ZC3H12B: variants seen among roughly 807,000 people sequenced by gnomAD.
ZC3H12B encodes the protein probable ribonuclease ZC3H12B.
ZC3H12B carries 7 observed loss-of-function variants against 43.9 expected under a neutral mutation model. The ratio of observed to expected loss-of-function variants is 0.16; its 90% CI spans 0.09 to 0.30. The LOEUF is 0.30. ZC3H12B is among the 10% of genes least tolerant of loss of function. The probability of loss-of-function intolerance (pLI) is 1.00; values close to 1 mark genes in which losing one functional copy is unlikely to be tolerated. For synonymous variants in ZC3H12B, 222 were observed against 241.7 expected (o/e 0.92, Z 0.76); for missense variants, 475 against 670.2 (o/e 0.71, Z 3.22).
At chrX:65,183,242 G>T in the ZC3H12B span, among the ~76,000 whole-genome samples, 1 of 111,837 alleles carries the variant, frequency 8.9e-6, no homozygotes, top group Non-Finnish European at 1.9e-5. Flanking sequence ...CATAAAAAAA[G>T]AATGAGATCA....
the ZC3H12B span, among the ~76,000 whole-genome samples, chrX:65,226,977 A>G: frequency 1.8e-5 from 2 of 111,191 alleles, no homozygotes; most frequent in Middle Eastern, 4.6e-3. Flanking sequence ...GATCAACGAG[A>G]CAGAAAGTTA....
At chrX:65,377,817 A>T (rs2066367868) in intron 2 of ZC3H12B, among the ~76,000 whole-genome samples, 1 of 111,643 alleles carries the variant, frequency 9.0e-6, no homozygotes, top group East Asian at 2.8e-4. Context: ...AATCATCTGG[A>T]GGTCAGTCAC....
At chrX:65,120,619 T>C in the ZC3H12B span, among the ~76,000 whole-genome samples, 2 of 111,448 alleles carry the variant, frequency 1.8e-5, no homozygotes, top group Non-Finnish European at 3.8e-5. Context: ...CTTCCTTTTT[T>C]CCTAATTGAA....
the ZC3H12B span, among the ~76,000 whole-genome samples, chrX:65,281,120 A>G: frequency 1.8e-5 from 2 of 111,481 alleles, no homozygotes; most frequent in African/African-American, 6.5e-5. Flanking sequence ...CTCAAAATAT[A>G]CTAAACAGCT....
chrX:65,348,180 T>A, the ZC3H12B span, among the ~76,000 whole-genome samples: 29 of 112,104 alleles, frequency 2.6e-4, no homozygotes, highest in Admixed American at 1.0e-3. Flanking sequence ...TGTATACATA[T>A]GTAACAAGCC....
chrX:65,105,887 G>C, the ZC3H12B span, among the ~76,000 whole-genome samples: 1 of 111,652 alleles, frequency 9.0e-6, no homozygotes, highest in Non-Finnish European at 1.9e-5. Flanking sequence ...GCATGCTGCT[G>C]TTCACCATTT....
At chrX:65,159,577 G>A in the ZC3H12B span, among the ~76,000 whole-genome samples, 1 of 111,809 alleles carries the variant, frequency 8.9e-6, no homozygotes, top group Non-Finnish European at 1.9e-5. Context: ...TGTTATTGGT[G>A]TGTAAGAATG....
At chrX:65,460,637 G>C (rs912775938) in intron 3 of ZC3H12B, among the ~76,000 whole-genome samples, 1 of 111,901 alleles carries the variant, frequency 8.9e-6, no homozygotes, top group Non-Finnish European at 1.9e-5. Flanking sequence ...AAATGGTGCT[G>C]GGAAAACTGG....
chrX:65,160,389 C>G, the ZC3H12B span, among the ~76,000 whole-genome samples: 1 of 111,525 alleles, frequency 9.0e-6, no homozygotes, highest in Non-Finnish European at 1.9e-5. Flanking sequence ...TCCATCTGGT[C>G]CTGGACTCTT....
the ZC3H12B span, among the ~76,000 whole-genome samples, chrX:65,158,559 A>C: frequency 8.9e-6 from 1 of 112,159 alleles, no homozygotes; most frequent in Non-Finnish European, 1.9e-5. Context: ...TATTGGCTGC[A>C]TAAATGTCTT....
At chrX:65,459,345 T>G (rs1342610291) in intron 3 of ZC3H12B, among the ~76,000 whole-genome samples, 1 of 112,053 alleles carries the variant, frequency 8.9e-6, no homozygotes, top group Admixed American at 9.5e-5. Context: ...GAATCCTCCC[T>G]AACTCATTTT....
At position 65,406,278 on chromosome X, in the gene ZC3H12B, T is replaced by TA. The variant is rs1286367904; in HGVS notation, n.407+7586dup. Among the ~76,000 whole-genome samples the TA allele has an allele frequency of 7.1e-3, 712 of 100,969 alleles. 18 individuals carry two copies. The highest frequency in any genetic ancestry group is 0.061 in the Admixed American group (573 of 9,334). The allele number at this position is 100,969 out of a possible 115,157, so 87.7% of individuals were successfully genotyped here. A position where few individuals can be genotyped will look rare whatever the true frequency, so the allele number is the denominator to read the frequency against. On this transcript the variant is annotated intron_variant and non_coding_transcript_variant, in intron 3 of 5. Transcript: ENST00000617377. ...AGCAAAACCGAATTCAATGTTACAT[T>TA]AAAAAAAAAAAATTCATCATGACCA...
chrX:65,276,983 T>C, the ZC3H12B span, among the ~76,000 whole-genome samples: 1 of 111,268 alleles, frequency 9.0e-6, no homozygotes, highest in Non-Finnish European at 1.9e-5. Context: ...GAAACTCACC[T>C]CATCTGTAAA....
chrX:65,149,257 C>T, the ZC3H12B span, among the ~76,000 whole-genome samples: 1 of 111,823 alleles, frequency 8.9e-6, no homozygotes, highest in African/African-American at 3.3e-5. Flanking sequence ...AAAGCACCTG[C>T]TTTTCTGAGC....
chrX:65,120,495 T>C, the ZC3H12B span, among the ~76,000 whole-genome samples: 1 of 111,887 alleles, frequency 8.9e-6, no homozygotes, highest in East Asian at 2.8e-4. Flanking sequence ...TGCATGTTGA[T>C]TTTGTATCCT....
At chrX:65,197,529 G>C in the ZC3H12B span, among the ~76,000 whole-genome samples, 2 of 112,064 alleles carry the variant, frequency 1.8e-5, no homozygotes, top group Non-Finnish European at 3.8e-5. Flanking sequence ...GTTAATTAAG[G>C]ACTAATTAAA....
chrX:65,367,357 T>C (rs931735885), intron 1 of ZC3H12B, among the ~76,000 whole-genome samples: 22 of 110,944 alleles, frequency 2.0e-4, no homozygotes, highest in Non-Finnish European at 4.2e-4. Flanking sequence ...AGGTTGATAA[T>C]ACAAAGTTGG....
chrX:65,099,637 C>T, the ZC3H12B span, among the ~76,000 whole-genome samples: 1 of 111,344 alleles, frequency 9.0e-6, no homozygotes, highest in South Asian at 3.8e-4. Flanking sequence ...GAAGAGATTC[C>T]TGGCTGTTGA....
the ZC3H12B span, among the ~76,000 whole-genome samples, chrX:65,231,032 G>C: frequency 9.0e-6 from 1 of 111,452 alleles, no homozygotes; most frequent in African/African-American, 3.3e-5. Flanking sequence ...TTTCACCATA[G>C]GTCCTTTCTA....
Sources: gnomAD v4.1 joint callset for allele counts (sites outside exome capture counted in the v4.1 genomes callset) on GRCh38, gnomAD v4.1.1 for gene constraint, MANE v1.5 for transcripts, NCBI Gene and HGNC (gene_info 2026-07-23, HGNC 2026-07-21) for gene names.